CACNG4: variants seen among roughly 807,000 people sequenced by gnomAD.
CACNG4 encodes the protein voltage-dependent calcium channel gamma-4 subunit.
A neutral mutation model predicts 22.9 loss-of-function variants in CACNG4; 8 were observed. The ratio of observed to expected loss-of-function variants is 0.35; its 90% confidence interval spans 0.21 to 0.63. The LOEUF (loss-of-function observed/expected upper bound fraction) is 0.63, where lower values mean the gene tolerates loss of function less well. CACNG4 is among the 30% of genes least tolerant of loss of function. The pLI is 0.72. For missense variants in CACNG4, 357 were observed against 455.4 expected, an observed-to-expected ratio of 0.78 and a Z score of 1.97; for synonymous variants, 188 against 191.9, an observed-to-expected ratio of 0.98 and a Z score of 0.17.
At chr17:67,009,058 A>G (rs73339162) in intron 1 of CACNG4, among the ~76,000 whole-genome samples, 1 of 152,118 alleles carries the variant, frequency 6.6e-6, no homozygotes, top group Non-Finnish European at 1.5e-5. Flanking sequence ...AGAATATGAT[A>G]TGAAGAGAAG....
chr17:66,976,105 C>T (rs1392645535), intron 1 of CACNG4, among the ~76,000 whole-genome samples: 1 of 152,142 alleles, frequency 6.6e-6, no homozygotes, highest in African/African-American at 2.4e-5. Context: ...AGCCCTGCCG[C>T]GTCAGGTGAC....
intron 1 of CACNG4, among the ~76,000 whole-genome samples, chr17:66,975,379 G>A (rs999877767): frequency 6.6e-6 from 1 of 152,120 alleles, no homozygotes; most frequent in Non-Finnish European, 1.5e-5. Flanking sequence ...ACATGGCCCC[G>A]GGTTTGAGTC....
chr17:66,980,465 G>A (rs1207113876), intron 1 of CACNG4, among the ~76,000 whole-genome samples: 9 of 152,262 alleles, frequency 5.9e-5, no homozygotes, highest in African/African-American at 2.2e-4. Flanking sequence ...TGAGGTTTGA[G>A]CAGAAGACGC....
At chr17:66,976,500 C>A (rs374497934) in intron 1 of CACNG4, among the ~76,000 whole-genome samples, 8 of 150,620 alleles carry the variant, frequency 5.3e-5, no homozygotes, top group Middle Eastern at 3.4e-3. Flanking sequence ...CCTCTCCATC[C>A]TCCCTCTTTC....
chr17:67,007,214 A>G (rs1265630586), intron 1 of CACNG4, among the ~76,000 whole-genome samples: 1 of 150,800 alleles, frequency 6.6e-6, no homozygotes, highest in Non-Finnish European at 1.5e-5. Context: ...CAGATTCTAG[A>G]GGGACCACAA....
rs1419613244 is a variant in CACNG4 at position 67,031,676 on chromosome 17, T to G, written c.*672T>G. ...CCGTGGCCTGTGGAGGAGGCCCAGGTAAAGGCTGGGGGCTGTTGCTGGCTA... is the reference window on the plus strand; with the variant it reads ...CCGTGGCCTGTGGAGGAGGCCCAGGGAAAGGCTGGGGGCTGTTGCTGGCTA... On this transcript the variant is annotated 3_prime_UTR_variant, in exon 4 of 4. Transcript: ENST00000262138. The surrounding 1 kb of genome is among the most constrained non-coding windows in gnomAD (Gnocchi z 4.0). 2.4e-5 allele frequency: 11 copies of G among 456,752 alleles called. No individual in the cohort carries two copies. The highest frequency in any genetic ancestry group is 1.4e-4 in the Admixed American group (6 of 42,586). The allele number at this position is 456,752 out of a possible 1,614,324, so 28.3% of individuals were successfully genotyped here. A position where few individuals can be genotyped will look rare whatever the true frequency, so the allele number is the denominator to read the frequency against.
chr17:67,016,376 G>C (rs1167066904), intron 1 of CACNG4, among the ~76,000 whole-genome samples: 1 of 152,142 alleles, frequency 6.6e-6, no homozygotes, highest in East Asian at 1.9e-4. Context: ...TGGACCTTCA[G>C]GAATCAGGGT....
intron 1 of CACNG4, among the ~76,000 whole-genome samples, chr17:67,015,399 G>A (rs114158660): frequency 1.9e-4 from 29 of 152,290 alleles, no homozygotes; most frequent in African/African-American, 7.0e-4. Context: ...CTTGGGTGGG[G>A]CTGTGCGAGG....
intron 1 of CACNG4, among the ~76,000 whole-genome samples, chr17:66,974,707 C>T (rs9904298): frequency 0.021 from 3,198 of 152,252 alleles, 121 homozygotes; most frequent in African/African-American, 0.072. Context: ...GACTGAGCTG[C>T]CAACCCCGAA....
In CACNG4 at chr17:66,990,093, C is replaced by A. The variant is rs568464736; in HGVS notation, c.220+24962C>A. Reference sequence around the variant, plus strand: ...GAGTCTGGACACACTTAGCCGCATCCGCTGCTTAAGTCTTCAAGGATGCAA... The same window carrying A: ...GAGTCTGGACACACTTAGCCGCATCAGCTGCTTAAGTCTTCAAGGATGCAA... On this transcript the variant is annotated intron_variant, in intron 1 of 3. Coordinates refer to ENST00000262138, the MANE Select transcript of CACNG4 (RefSeq NM_014405.4). Among the ~76,000 whole-genome samples the A allele has an allele frequency of 1.7e-3, 252 of 152,326 alleles. 3 individuals carry two copies. Among genetic ancestry groups the A allele is most frequent in the African/African-American group, 5.8e-3 (243 of 41,568 alleles).
intron 3 of CACNG4, 134 bp downstream of exon 3, chr17:67,025,134 C>T (rs1387083854): frequency 1.4e-5 from 11 of 811,388 alleles, no homozygotes; most frequent in Non-Finnish European, 1.9e-5. Context: ...ATGCAACTGA[C>T]TTGTAAAGTC....
In CACNG4 at chr17:67,003,300, G is replaced by A. The variant is rs1394769603; in HGVS notation, c.221-14889G>A. ...GTGAATTAGGACCCCAGATCATACA[G>A]CTAATAGGTGGTAACAAAGCCAGAA... is the stretch of plus-strand genomic sequence containing the variant. On this transcript the variant is annotated intron_variant, in intron 1 of 3. Coordinates refer to ENST00000262138, the MANE Select transcript of CACNG4 (RefSeq NM_014405.4). 2.0e-5 allele frequency among the ~76,000 whole-genome samples: 3 copies of A among 151,710 alleles called. No homozygotes were observed. The East Asian group carries it at 5.8e-4, about 30-fold the overall frequency.
intron 2 of CACNG4, among the ~76,000 whole-genome samples, chr17:67,019,025 G>A (rs1472300539): frequency 6.6e-6 from 1 of 152,064 alleles, no homozygotes; most frequent in Non-Finnish European, 1.5e-5. Context: ...GGAGGAGCCT[G>A]CAAATAGAAA....
chr17:66,979,745 CTTTTTTT>C (rs35942551), intron 1 of CACNG4, among the ~76,000 whole-genome samples: 2 of 92,016 alleles, frequency 2.2e-5, no homozygotes, highest in Non-Finnish European at 4.0e-5. Flanking sequence ...TCTTTTCATG[CTTTTTTT>C]TTTTTTTTTT....
At chr17:66,977,179 C>A (rs921095102) in intron 1 of CACNG4, among the ~76,000 whole-genome samples, 10 of 152,316 alleles carry the variant, frequency 6.6e-5, no homozygotes, top group Non-Finnish European at 1.0e-4. Flanking sequence ...CTGCTCTCCA[C>A]ACACAGCCAG....
intron 1 of CACNG4, among the ~76,000 whole-genome samples, chr17:67,002,171 G>A (rs2035412195): frequency 6.6e-6 from 1 of 152,230 alleles, no homozygotes; most frequent in Non-Finnish European, 1.5e-5. Flanking sequence ...ATAGCAGAAG[G>A]CAAAGGAGGA....
intron 1 of CACNG4, among the ~76,000 whole-genome samples, chr17:66,988,694 A>G (rs1345508415): frequency 1.3e-5 from 2 of 151,850 alleles, no homozygotes; most frequent in East Asian, 3.9e-4. Flanking sequence ...TGCCTCTCTT[A>G]GACCAGAATC....
intron 1 of CACNG4, among the ~76,000 whole-genome samples, chr17:67,017,153 C>T (rs1038539949): frequency 1.3e-5 from 2 of 151,742 alleles, no homozygotes; most frequent in Non-Finnish European, 2.9e-5. Flanking sequence ...CTCAGCTCAC[C>T]GCAACCTCCA....
At chr17:67,013,066 G>C (rs943195772) in intron 1 of CACNG4, among the ~76,000 whole-genome samples, 4 of 152,134 alleles carry the variant, frequency 2.6e-5, no homozygotes, top group Admixed American at 6.5e-5. Flanking sequence ...TGGCTCACAG[G>C]GTGACCAGCT....
Sources: gnomAD v4.1 joint callset for allele counts (sites outside exome capture counted in the v4.1 genomes callset) on GRCh38, gnomAD v4.1.1 for gene constraint, Gnocchi (gnomAD v3.1) non-coding constraint, MANE v1.5 for transcripts, NCBI Gene and HGNC (gene_info 2026-07-23, HGNC 2026-07-21) for gene names.